Variants in DNAH17 observed in about 807,000 individuals in gnomAD.
DNAH17 encodes axonemal beta dynein heavy chain 17.
Under a neutral mutation model 485.6 loss-of-function variants are expected in DNAH17, and 376 were observed. The ratio of observed to expected loss-of-function variants is 0.77; its 90% confidence interval spans 0.71 to 0.84. The LOEUF (loss-of-function observed/expected upper bound fraction) is 0.84, where lower values mean the gene tolerates loss of function less well. DNAH17 is among the 40% of genes least tolerant of loss of function. The pLI is 0.00. For missense variants in DNAH17, 6,370 were observed against 5,839.3 expected, an observed-to-expected ratio of 1.09 and a Z score of -2.96; for synonymous variants, 3,031 against 2,405.9, an observed-to-expected ratio of 1.26 and a Z score of -7.60.
At chr17:78,513,107 C>G (rs1045949589) in intron 26 of DNAH17, among the ~76,000 whole-genome samples, 4 of 152,006 alleles carry the variant, frequency 2.6e-5, no homozygotes, top group Admixed American at 2.0e-4. Context: ...ATGAACCCCC[C>G]CTCTGCTAGG....
chr17:78,511,919 G>C (rs2090645791), intron 26 of DNAH17, among the ~76,000 whole-genome samples: 1 of 152,236 alleles, frequency 6.6e-6, no homozygotes, highest in African/African-American at 2.4e-5. Context: ...CACTCGAAAG[G>C]CACCCCCAGG....
intron 61 of DNAH17, 152 bp from the exon 62 acceptor site, chr17:78,458,832 C>A: frequency 2.0e-6 from 2 of 1,014,932 alleles, no homozygotes; most frequent in Non-Finnish European, 3.0e-6. Flanking sequence ...CTAAGGACAC[C>A]AAGCGGCTCC....
chr17:78,498,957 G>A (rs2090173509), intron 37 of DNAH17, 51 bp downstream of exon 37: 1 of 1,425,178 alleles, frequency 7.0e-7, no homozygotes, highest in Non-Finnish European at 9.5e-7. Context: ...CAGGAAAGCT[G>A]ACGAGCCAGT....
intron 6 of DNAH17, 68 bp downstream of exon 6, chr17:78,570,879 GA>G (rs1186425349): frequency 2.7e-5 from 13 of 488,446 alleles, no homozygotes; most frequent in Admixed American, 1.2e-4. Context: ...AAAAAAAAAA[GA>G]AAAAAGAAAA....
At chr17:78,559,783 T>C (rs2092111844) in intron 13 of DNAH17, among the ~76,000 whole-genome samples, 1 of 151,958 alleles carries the variant, frequency 6.6e-6, no homozygotes, top group Non-Finnish European at 1.5e-5. Context: ...TCACCTCTCA[T>C]CTCTTCTCCT....
At chr17:78,449,958 G>A (rs1279396904) in intron 68 of DNAH17, 3 of 488,178 alleles carry the variant, frequency 6.1e-6, no homozygotes, top group Non-Finnish European at 1.1e-5. Context: ...TGACAGGCAT[G>A]AGCCACCATG....
At chr17:78,459,700 G>C in intron 60 of DNAH17, 84 bp downstream of exon 60, 1 of 1,490,684 alleles carries the variant, frequency 6.7e-7, no homozygotes, top group South Asian at 1.2e-5. Context: ...AAGAGCCTGA[G>C]GCCATGCTTC....
At position 78,486,284 on chromosome 17, in the gene DNAH17, G is replaced by A. The variant is rs145820267; in HGVS notation, c.7041C>T (p.Tyr2347=). 1.3e-3 allele frequency: 2,114 copies of A among 1,610,834 alleles called. 24 individuals carry two copies. In the African/African-American group the frequency reaches 0.021, roughly 16 times the overall value. ...TVPPDSPREL[Y]ELYFVFTCFW... is the part of the protein sequence containing the mutation. ...AGCAGGTGAACACGAAGTACAGCTC[G>A]TACAGCTCCCTGGGGGAGTCGGGGG... The change falls in exon 45 of 81, where the codon TAC becomes TAT. Residue 2347 remains tyrosine (Y), a synonymous_variant. Coordinates refer to ENST00000389840, the MANE Select transcript of DNAH17 (RefSeq NM_173628.4).
rs1426793994 is a variant in DNAH17 at position 78,558,120 on chromosome 17, G to A, written c.2166C>T (p.Gly722=). The change falls in exon 14 of 81, where the codon GGC becomes GGT. Residue 722 remains glycine (G), a synonymous_variant. Coordinates refer to ENST00000389840, the MANE Select transcript of DNAH17 (RefSeq NM_173628.4). ...CTCACCAACTCACCTCATTATACCAGCCAACGATGAGCTCCAGGTTGCCCA... is the reference window on the plus strand; with the variant it reads ...CTCACCAACTCACCTCATTATACCAACCAACGATGAGCTCCAGGTTGCCCA... The part of the protein sequence containing the change: ...KFVGNLELIV[G]WYNEIKTIVK... The A allele has an allele frequency of 6.2e-7, 1 of 1,613,208 alleles. No homozygotes were observed. The highest frequency in any genetic ancestry group is 8.5e-7 in the Non-Finnish European group (1 of 1,179,652).
At chr17:78,515,536 G>T (rs2090758388) in intron 25 of DNAH17, among the ~76,000 whole-genome samples, 1 of 152,184 alleles carries the variant, frequency 6.6e-6, no homozygotes, top group African/African-American at 2.4e-5. Flanking sequence ...ATAAAAGTTA[G>T]CAGTTAAAAG....
chr17:78,557,752 A>G (rs2092059135), intron 14 of DNAH17, among the ~76,000 whole-genome samples: 1 of 152,028 alleles, frequency 6.6e-6, no homozygotes, highest in South Asian at 2.1e-4. Flanking sequence ...TGCATGAATA[A>G]TGAAGACTGG....
intron 29 of DNAH17, 29 bp downstream of exon 29, chr17:78,507,249 C>A (rs571921186): frequency 1.7e-4 from 279 of 1,611,826 alleles, no homozygotes; most frequent in Admixed American, 3.7e-4. Context: ...ACCACTGACT[C>A]CCCTGGTCTG....
At position 78,553,546 on chromosome 17, in the gene DNAH17, C is replaced by T. The variant is rs151182094; in HGVS notation, c.2179-741G>A. On this transcript the variant is annotated intron_variant, in intron 14 of 80. Coordinates refer to ENST00000389840, the MANE Select transcript of DNAH17 (RefSeq NM_173628.4). ...TGAACTCCTGACCTCAAATGATCCA[C>T]CCACCTTGGCCTCTCAAAGTCCCAG... Among the ~76,000 whole-genome samples, 267 of 152,082 alleles carry T rather than the reference C, an allele frequency of 1.8e-3. 1 individual carries two copies. The highest frequency in any genetic ancestry group is 5.7e-3 in the African/African-American group (238 of 41,478).
At position 78,479,078 on chromosome 17, in the gene DNAH17, C is replaced by T. The variant is rs772483613; in HGVS notation, c.7939G>A (p.Ala2647Thr). Reference protein sequence around the residue: ...QKITATFLPTAIKFHYVFNLR... With the variant: ...QKITATFLPTTIKFHYVFNLR... Reference sequence around the variant, plus strand: ...TTGAAGACATAATGAAACTTAATGGCCGTGGGAAGAAATGTTGCCGTGATT... The same window carrying T: ...TTGAAGACATAATGAAACTTAATGGTCGTGGGAAGAAATGTTGCCGTGATT... The change falls in exon 51 of 81, where the codon GCC becomes ACC. Residue 2647 changes from alanine to threonine, a missense_variant. Coordinates refer to ENST00000389840, the MANE Select transcript of DNAH17 (RefSeq NM_173628.4). 4.3e-6 allele frequency: 7 copies of T among 1,613,814 alleles called. No homozygotes were observed. Among genetic ancestry groups the T allele is most frequent in the Non-Finnish European group, 5.1e-6 (6 of 1,179,876 alleles).
rs35637364 is a variant in DNAH17, at chr17:78,552,512, CT to C, written c.2287+184del. On this transcript the variant is annotated intron_variant, in intron 15 of 80. Transcript: ENST00000389840. ...TCCGTTTCTAAGTGACACAGATGGGCTTTTTTTTTTTTTTTTTGCCTGGGCA... is the reference window on the plus strand; with the variant it reads ...TCCGTTTCTAAGTGACACAGATGGGCTTTTTTTTTTTTTTTTGCCTGGGCA... 0.28 allele frequency among the ~76,000 whole-genome samples: 36,932 copies of C among 131,944 alleles called. 3,503 individuals are homozygous for C. Among genetic ancestry groups the C allele is most frequent in the East Asian group, 0.4 (1,730 of 4,342 alleles). 86.6% of individuals were successfully genotyped at this position (131,944 alleles called of 152,430 possible). A position where few individuals can be genotyped will look rare whatever the true frequency, so the allele number is the denominator to read the frequency against.
In DNAH17 at chr17:78,466,646, G is replaced by A. The variant is rs774221616; in HGVS notation, c.8940+9C>T. 6.2e-7 allele frequency: 1 copy of A among 1,602,564 alleles called. No homozygotes were observed. The highest frequency in any genetic ancestry group is 8.5e-7 in the Non-Finnish European group (1 of 1,174,578). ...CTACACTCAGGCAGAGGTGGCCTCA[G>A]TGACTCACCGGAATCCCCTCAGTCT... On this transcript the variant is annotated intron_variant, in intron 56 of 80. Coordinates refer to ENST00000389840, the MANE Select transcript of DNAH17 (RefSeq NM_173628.4).
intron 38 of DNAH17, 149 bp downstream of exon 38, chr17:78,495,726 C>T (rs1356337342): frequency 4.0e-5 from 38 of 952,060 alleles, no homozygotes; most frequent in Non-Finnish European, 5.6e-5. Context: ...AAGTGAGTTA[C>T]TGTGCCCGGC....
chr17:78,484,739 A>ACCCCCCCGGCCCCCCCC lies in DNAH17; in HGVS notation c.7649+128_7649+129insGGGGGGGGCCGGGGGGG. ...CGTGTCTCCCTACCCACGTTGCAGCACCCCCCCCACCGCCCCACACCAGTC... is the reference window on the plus strand; with the variant it reads ...CGTGTCTCCCTACCCACGTTGCAGCACCCCCCCGGCCCCCCCCCCCCCCCCACCGCCCCACACCAGTC... On this transcript the variant is annotated intron_variant, in intron 48 of 80. Coordinates refer to ENST00000389840, the MANE Select transcript of DNAH17 (RefSeq NM_173628.4). The ACCCCCCCGGCCCCCCCC allele has an allele frequency of 6.6e-5, 23 of 347,788 alleles. 2 individuals are homozygous for ACCCCCCCGGCCCCCCCC. The highest frequency in any genetic ancestry group is 1.0e-4 in the Non-Finnish European group (22 of 219,164). 21.5% of individuals were successfully genotyped at this position (347,788 alleles called of 1,614,324 possible).
At chr17:78,471,188 G>A (rs778092808) in intron 54 of DNAH17, among the ~76,000 whole-genome samples, 24 of 152,190 alleles carry the variant, frequency 1.6e-4, no homozygotes, top group Non-Finnish European at 3.1e-4. Context: ...AAGCAAGTCC[G>A]ACTCCCTGAA....
Sources: allele counts gnomAD v4.1 joint callset (sites outside exome capture counted in the v4.1 genomes callset), GRCh38; gene constraint gnomAD v4.1.1; transcripts MANE v1.5; gene names NCBI Gene and HGNC (gene_info 2026-07-23, HGNC 2026-07-21).